The following ACACB variants were observed in gnomAD, a reference collection of about 807,000 sequenced individuals.
ACACB encodes the protein acetyl-CoA carboxylase beta, also known as acetyl-CoA carboxylase 2.
Under a neutral mutation model 278.8 loss-of-function variants are expected in ACACB, and 209 were observed. The ratio of observed to expected loss-of-function variants is 0.75; its 90% CI spans 0.67 to 0.84. The LOEUF (loss-of-function observed/expected upper bound fraction) is 0.84, where lower values mean the gene tolerates loss of function less well. ACACB is among the 40% of genes least tolerant of loss of function. ACACB has a pLI of 0.00. For synonymous variants in ACACB, 1,174 were observed against 1,285.6 expected (o/e 0.91, Z 1.86); for missense variants, 2,850 against 3,269.0 (o/e 0.87, Z 3.13).
intron 2 of ACACB, among the ~76,000 whole-genome samples, chr12:109,147,585 G>A (rs867351260): frequency 3.2e-4 from 48 of 151,826 alleles, no homozygotes; most frequent in African/African-American, 1.2e-3. Flanking sequence ...GATCTACTTG[G>A]TTATTACCTG....
At chr12:109,208,961 C>T (rs1277479617) in intron 20 of ACACB, among the ~76,000 whole-genome samples, 1 of 152,196 alleles carries the variant, frequency 6.6e-6, no homozygotes, top group Non-Finnish European at 1.5e-5. Context: ...GAGTCAGGGT[C>T]TTCCTATGTA....
intron 11 of ACACB, among the ~76,000 whole-genome samples, chr12:109,184,345 G>A (rs2044580945): frequency 6.6e-6 from 1 of 152,034 alleles, no homozygotes; most frequent in South Asian, 2.1e-4. Flanking sequence ...GCACCACTGT[G>A]CCCGGCCGTG....
Position 109,239,913 on chromosome 12 carries a change from C to T in ACACB, c.4746C>T (p.Asn1582=). ...ACGAGCTGGAGGTGGCGTTCAATAA[C>T]ACCAGCGTGCGCACCGACTGCAACC... is the stretch of plus-strand genomic sequence containing the variant. ...AMDELEVAFN[N]TSVRTDCNHI... is the part of the protein sequence containing the mutation. Residue 1582 remains asparagine (N), a synonymous_variant, in exon 35 of 53, where the codon AAC becomes AAT. Transcript: ENST00000338432. 1 of 1,614,218 alleles carries T rather than the reference C, an allele frequency of 6.2e-7. No homozygotes were observed. The highest frequency in any genetic ancestry group is 8.5e-7 in the Non-Finnish European group (1 of 1,180,042).
Position 109,188,009 on chromosome 12 carries a change from C to T in ACACB, c.1991C>T (p.Pro664Leu), listed in dbSNP as rs907874044. Residue 664 changes from proline (P) to leucine (L), a missense_variant, in exon 13 of 53, where the codon CCG becomes CTG. Coordinates refer to ENST00000338432, the MANE Select transcript of ACACB (RefSeq NM_001093.4). ...TSENPDEGFK[P>L]SSGTVQELNF... The stretch of plus-strand genomic sequence containing the variant: ...CTGTCCGGACTCCAGGGTTTTAAGC[C>T]GAGCTCCGGGACTGTCCAGGAACTG... 3.8e-6 allele frequency: 6 copies of T among 1,595,900 alleles called. No individual in the cohort carries two copies. In the African/African-American group the frequency reaches 4.0e-5, roughly 11 times the overall value.
chr12:109,199,557 C>A lies in ACACB; in HGVS notation c.2778+5C>A. 1 of 1,445,842 alleles carries A rather than the reference C, an allele frequency of 6.9e-7. No homozygotes were observed. The highest frequency in any genetic ancestry group is 9.2e-7 in the Non-Finnish European group (1 of 1,090,664). The allele number at this position is 1,445,842 out of a possible 1,614,324, so 89.6% of individuals were successfully genotyped here. Reference sequence around the variant, plus strand: ...AGCAGCTACGCTGAGATGGAGGTGACTGCAGAGCCGGCCGTGGGGAATCCT... The same window carrying A: ...AGCAGCTACGCTGAGATGGAGGTGAATGCAGAGCCGGCCGTGGGGAATCCT... On this transcript the variant is annotated splice_donor_5th_base_variant and intron_variant, in intron 18 of 52. Coordinates refer to ENST00000338432, the MANE Select transcript of ACACB (RefSeq NM_001093.4).
intron 1 of ACACB, among the ~76,000 whole-genome samples, chr12:109,129,679 G>A (rs1456453192): frequency 2.0e-5 from 3 of 152,206 alleles, no homozygotes; most frequent in African/African-American, 4.8e-5. Context: ...TTGGAAAAAT[G>A]CCTGCCCCTG....
Position 109,264,361 on chromosome 12 carries a change from G to A in ACACB, c.6917G>A (p.Arg2306Gln), listed in dbSNP as rs149917930. ...QFADFHDTPGRMLEKGVISDI... is the reference protein window; with the variant it reads ...QFADFHDTPGQMLEKGVISDI... The stretch of plus-strand genomic sequence containing the variant: ...GCCGACTTCCATGACACACCCGGCC[G>A]GATGCTGGAGAAGGGCGTCATATCT... The change falls in exon 50 of 53, where the codon CGG becomes CAG. Residue 2306 changes from arginine to glutamine, a missense_variant. Physicochemically the swap from Arg to Gln is conservative, Grantham distance 43. Coordinates refer to ENST00000338432, the MANE Select transcript of ACACB (RefSeq NM_001093.4). The A allele has an allele frequency of 5.9e-4, 947 of 1,614,064 alleles. 6 individuals carry two copies. In the African/African-American group the frequency reaches 0.011, roughly 19 times the overall value.
At chr12:109,198,574 T>C (rs1293637392) in intron 17 of ACACB, among the ~76,000 whole-genome samples, 1 of 152,112 alleles carries the variant, frequency 6.6e-6, no homozygotes, top group Non-Finnish European at 1.5e-5. Context: ...CGTGTGCCTG[T>C]AGTCCCAGCA....
intron 28 of ACACB, among the ~76,000 whole-genome samples, chr12:109,228,636 G>A (rs1229960027): frequency 6.7e-6 from 1 of 149,022 alleles, no homozygotes; most frequent in African/African-American, 2.5e-5. Flanking sequence ...TCCAGCCTGG[G>A]TGACAGAGCG....
intron 1 of ACACB, among the ~76,000 whole-genome samples, chr12:109,135,856 C>G (rs558938280): frequency 7.0e-6 from 1 of 142,618 alleles, no homozygotes; most frequent in South Asian, 2.2e-4. Context: ...GTCGCCCAGG[C>G]TGGAGTGCAG....
chr12:109,133,491 A>C (rs2042883633), intron 1 of ACACB, among the ~76,000 whole-genome samples: 1 of 152,076 alleles, frequency 6.6e-6, no homozygotes, highest in African/African-American at 2.4e-5. Context: ...TTGGCCTCTG[A>C]AAGTGCTGGG....
chr12:109,136,452 A>T (rs2042968303), intron 1 of ACACB, among the ~76,000 whole-genome samples: 2 of 152,076 alleles, frequency 1.3e-5, no homozygotes, highest in South Asian at 4.1e-4. Context: ...TCTTTTAGTA[A>T]TGTTTTGTAG....
chr12:109,210,209 A>G (rs912403025), intron 21 of ACACB, among the ~76,000 whole-genome samples: 2 of 51,886 alleles, frequency 3.9e-5, no homozygotes, highest in Non-Finnish European at 7.2e-5. Flanking sequence ...GTATATATGT[A>G]TATATACACA....
intron 37 of ACACB, among the ~76,000 whole-genome samples, chr12:109,245,223 C>G (rs2046907883): frequency 6.6e-6 from 1 of 151,818 alleles, no homozygotes; most frequent in South Asian, 2.1e-4. Context: ...GTGTGGTACT[C>G]TTTATTTAAA....
intron 12 of ACACB, among the ~76,000 whole-genome samples, chr12:109,186,477 C>T (rs935406944): frequency 4.6e-5 from 7 of 152,226 alleles, no homozygotes; most frequent in Middle Eastern, 6.8e-3. Context: ...TTTCTGGCCC[C>T]GTGTGCTTTT....
intron 47 of ACACB, 58 bp downstream of exon 47, chr12:109,259,166 A>G (rs2047312867): frequency 6.3e-7 from 1 of 1,583,424 alleles, no homozygotes; most frequent in East Asian, 2.2e-5. Flanking sequence ...CCAGGACAGC[A>G]CCCTCTGGGT....
chr12:109,227,184 C>T (rs1349611315), intron 27 of ACACB, among the ~76,000 whole-genome samples, 187 bp from the exon 28 acceptor site: 1 of 152,116 alleles, frequency 6.6e-6, no homozygotes, highest in Non-Finnish European at 1.5e-5. Flanking sequence ...CTCCTGGGTT[C>T]GAGTGACCTA....
rs58002068 is a variant in ACACB at position 109,262,950 on chromosome 12, T to TTATATATATATATATATATATATATATA, written c.6787+487_6787+514dup. 2.9e-4 allele frequency: 18 copies of TTATATATATATATATATATATATATATA among 62,508 alleles called. 1 individual carries two copies. Among genetic ancestry groups the TTATATATATATATATATATATATATATA allele is most frequent in the Non-Finnish European group, 5.5e-4 (14 of 25,656 alleles). The allele number at this position is 62,508 out of a possible 1,614,324, so 3.9% of individuals were successfully genotyped here. A position where few individuals can be genotyped will look rare whatever the true frequency, so the allele number is the denominator to read the frequency against. On this transcript the variant is annotated intron_variant, in intron 49 of 52. Transcript: ENST00000338432. ...CATTTCTAAATCAACCTTTTTAACA[T>TTATATATATATATATATATATATATATA]TATATATATATATATATATATATAT...
Position 109,266,447 on chromosome 12 carries a change from G to T in ACACB, c.*85G>T. 7.0e-7 allele frequency: 1 copy of T among 1,426,688 alleles called. No individual in the cohort carries two copies. The allele number at this position is 1,426,688 out of a possible 1,614,324, so 88.4% of individuals were successfully genotyped here. On this transcript the variant is annotated 3_prime_UTR_variant, in exon 53 of 53. Coordinates refer to ENST00000338432, the MANE Select transcript of ACACB (RefSeq NM_001093.4). ...CCGTACACCCTCAGCAGACCCTGAAGACTTGCTTTTAAACAAAGAAAATCC... is the reference window on the plus strand; with the variant it reads ...CCGTACACCCTCAGCAGACCCTGAATACTTGCTTTTAAACAAAGAAAATCC...
Sources: allele counts gnomAD v4.1 joint callset (sites outside exome capture counted in the v4.1 genomes callset), GRCh38; gene constraint gnomAD v4.1.1; transcripts MANE v1.5; gene names NCBI Gene and HGNC (gene_info 2026-07-23, HGNC 2026-07-21).